ATF5: variants seen among roughly 807,000 people sequenced by gnomAD.
ATF5 encodes the protein activating transcription factor 5, also known as cyclic AMP-dependent transcription factor ATF-5.
Under a neutral mutation model 4.6 loss-of-function variants are expected in ATF5, and 6 were observed. That is an observed-to-expected ratio of 1.31 (90% confidence interval 0.72 to 2.59). ATF5 has a LOEUF of 2.59. Among genes scored for constraint, ATF5 ranks in the 30% most tolerant of loss-of-function variants. The pLI is 0.00. For missense variants in ATF5, 410 were observed against 368.7 expected, an observed-to-expected ratio of 1.11 and a Z score of -0.92; for synonymous variants, 193 against 165.0, an observed-to-expected ratio of 1.17 and a Z score of -1.30.
At position 49,933,339 on chromosome 19, in the gene ATF5, A is replaced by G; in HGVS notation, c.*247A>G. 1 of 429,258 alleles carries G rather than the reference A, an allele frequency of 2.3e-6. No individual in the cohort carries two copies. Among genetic ancestry groups the G allele is most frequent in the Non-Finnish European group, 4.1e-6 (1 of 242,746 alleles). The allele number at this position is 429,258 out of a possible 1,614,324, so 26.6% of individuals were successfully genotyped here. A position where few individuals can be genotyped will look rare whatever the true frequency, so the allele number is the denominator to read the frequency against. On this transcript the variant is annotated 3_prime_UTR_variant, in exon 3 of 3. Transcript: ENST00000423777. ...ACCCTTCTTCCCCACCAAACCACCC[A>G]ACTCCTCTCTACTCTTATCCTTTTA...
intron 1 of ATF5, 139 bp from the exon 2 acceptor site, chr19:49,930,593 C>T (rs1429497855): frequency 1.0e-5 from 4 of 391,686 alleles, no homozygotes; most frequent in African/African-American, 2.1e-5. Context: ...GAGGCTGAGG[C>T]TTAGTGTTCT....
chr19:49,932,812 C>G lies in ATF5; in HGVS notation c.569C>G (p.Ser190Cys), dbSNP rs771183572. 10 of 1,609,612 alleles carry G rather than the reference C, an allele frequency of 6.2e-6. No homozygotes were observed. The South Asian group carries it at 1.1e-4, about 18-fold the overall frequency. ...LPPPQQPPPPSPPQPSRLAPY... is the reference protein window; with the variant it reads ...LPPPQQPPPPCPPQPSRLAPY... ...CCGCCACAGCAGCCCCCTCCTCCTT[C>G]TCCACCTCAACCTTCTCGCCTGGCC... Residue 190 changes from serine (S) to cysteine (C), a missense_variant, in exon 3 of 3, where the codon TCT becomes TGT. Coordinates refer to ENST00000423777, the MANE Select transcript of ATF5 (RefSeq NM_001193646.2).
chr19:49,932,477 T>G lies in ATF5; in HGVS notation c.234T>G (p.Pro78=). The part of the protein sequence containing the change: ...TERVDFTALL[P]LEPPLPPGTL... ...GAGTTGATTTCACAGCTCTCCTCCC[T>G]CTGGAGCCTCCCTTACCCCCCGGCA... The change falls in exon 3 of 3, where the codon CCT becomes CCG. Residue 78 remains proline (P), a synonymous_variant. Transcript: ENST00000423777. 1 of 1,613,350 alleles carries G rather than the reference T, an allele frequency of 6.2e-7. No homozygotes were observed. Among genetic ancestry groups the G allele is most frequent in the Non-Finnish European group, 8.5e-7 (1 of 1,179,646 alleles).
At chr19:49,932,150 C>A (rs1265027274) in intron 2 of ATF5, among the ~76,000 whole-genome samples, 2 of 151,314 alleles carry the variant, frequency 1.3e-5, no homozygotes, top group African/African-American at 2.4e-5. Context: ...TTGACCGATT[C>A]CCTGATTGAT....
Position 49,932,928 on chromosome 19 carries a change from A to C in ATF5, c.685A>C (p.Lys229Gln). 6.2e-7 allele frequency: 1 copy of C among 1,613,934 alleles called. No homozygotes were observed. ...GGCGGCTCTGAGGTACCGCCAGCGGAAGCGGGCAGAGGGTGAGGCCCTGGA... is the reference window on the plus strand; with the variant it reads ...GGCGGCTCTGAGGTACCGCCAGCGGCAGCGGGCAGAGGGTGAGGCCCTGGA... Reference protein sequence around the residue: ...KSAALRYRQRKRAEGEALEGE... With the variant: ...KSAALRYRQRQRAEGEALEGE... The change falls in exon 3 of 3, where the codon AAG becomes CAG. Residue 229 changes from lysine to glutamine, a missense_variant. Lys to Gln is a moderately conservative substitution (Grantham distance 53). Transcript: ENST00000423777.
In ATF5 at chr19:49,932,857, C is replaced by G. The variant is rs1374178162; in HGVS notation, c.614C>G (p.Thr205Ser). The G allele has an allele frequency of 6.2e-7, 1 of 1,612,780 alleles. No individual in the cohort carries two copies. Among genetic ancestry groups the G allele is most frequent in the East Asian group, 2.2e-5 (1 of 44,822 alleles). The stretch of plus-strand genomic sequence containing the variant: ...CTGGCCCCCTACCCACATCCTGCCA[C>G]CACCCGAGGGGACCGCAAGCAAAAG... ...SRLAPYPHPA[T>S]TRGDRKQKKR... The change falls in exon 3 of 3, where the codon ACC (threonine) becomes AGC (serine). Residue 205 changes from threonine (T) to serine (S), a missense_variant. Physicochemically the swap from Thr to Ser is moderately conservative, Grantham distance 58. Transcript: ENST00000423777.
chr19:49,930,692 C>T lies in ATF5; in HGVS notation c.-119-40C>T, dbSNP rs1235287429. 9.4e-6 allele frequency: 5 copies of T among 529,966 alleles called. No individual in the cohort carries two copies. In the East Asian group the frequency reaches 1.3e-4, roughly 14 times the overall value. The allele number at this position is 529,966 out of a possible 1,614,324, so 32.8% of individuals were successfully genotyped here. ...CCCCTTGATTTTGGCCGGTGGATGA[C>T]GCTGTCCTGACCACACCCACTCTTG... On this transcript the variant is annotated intron_variant, in intron 1 of 2. Coordinates refer to ENST00000423777, the MANE Select transcript of ATF5 (RefSeq NM_001193646.2).
chr19:49,933,042 C>A lies in ATF5; in HGVS notation c.799C>A (p.Leu267Met). ...GCGCGAGATCCAGTACGTCAAGGACCTGCTCATCGAGGTTTACAAGGCCCG... is the reference window on the plus strand; with the variant it reads ...GCGCGAGATCCAGTACGTCAAGGACATGCTCATCGAGGTTTACAAGGCCCG... Reference protein sequence around the residue: ...VEREIQYVKDLLIEVYKARSQ... With the variant: ...VEREIQYVKDMLIEVYKARSQ... The change falls in exon 3 of 3, where the codon CTG (leucine) becomes ATG (methionine). Residue 267 changes from leucine to methionine, a missense_variant. Physicochemically the swap from Leu to Met is conservative, Grantham distance 15 (BLOSUM62 2). Transcript: ENST00000423777. 3 of 1,609,016 alleles carry A rather than the reference C, an allele frequency of 1.9e-6. No homozygotes were observed. Among genetic ancestry groups the A allele is most frequent in the Non-Finnish European group, 2.6e-6 (3 of 1,175,914 alleles).
In ATF5 at chr19:49,932,670, CT is replaced by C. The variant is rs1295317394; in HGVS notation, c.428del (p.Leu143ArgfsTer81). 2.6e-5 allele frequency: 40 copies of C among 1,541,530 alleles called. No individual in the cohort carries two copies. Among genetic ancestry groups the C allele is most frequent in the East Asian group, 7.0e-5 (3 of 42,582 alleles). ...PPLPPAPSLP[L>X]SLPSFDLPQP... ...ACTACCACCAGCCCCCTCCCTCCCC[CT>C]GTCCCTCCCCTCCTTTGACCTCCCC... On this transcript the variant is annotated frameshift_variant, in exon 3 of 3. Coordinates refer to ENST00000423777, the MANE Select transcript of ATF5 (RefSeq NM_001193646.2). LOFTEE classifies it low-confidence loss of function (END_TRUNC).
At position 49,932,502 on chromosome 19, in the gene ATF5, A is replaced by ACCCCCCCCCCC; in HGVS notation, c.262_263insCCCCCCCCCCC (p.Leu88ProfsTer34). 1.3e-6 allele frequency: 1 copy of ACCCCCCCCCCC among 767,138 alleles called. No individual in the cohort carries two copies. Among genetic ancestry groups the ACCCCCCCCCCC allele is most frequent in the South Asian group, 1.6e-5 (1 of 63,548 alleles). The allele number at this position is 767,138 out of a possible 1,614,324, so 47.5% of individuals were successfully genotyped here. On this transcript the variant is annotated frameshift_variant, in exon 3 of 3. Transcript: ENST00000423777. LOFTEE classifies it low-confidence loss of function (END_TRUNC). ...TCTGGAGCCTCCCTTACCCCCCGGC[A>ACCCCCCCCCCC]CCCTCCCCCAACCTTCCCCAACCCC...
rs2076081002 is a variant in ATF5, at chr19:49,932,868, G to T, written c.625G>T (p.Asp209Tyr). The change falls in exon 3 of 3, where the codon GAC (aspartate) becomes TAC (tyrosine). Residue 209 changes from aspartate to tyrosine, a missense_variant. Transcript: ENST00000423777. ...PYPHPATTRG[D>Y]RKQKKRDQNK... Reference sequence around the variant, plus strand: ...CCCACATCCTGCCACCACCCGAGGGGACCGCAAGCAAAAGAAGAGAGACCA... The same window carrying T: ...CCCACATCCTGCCACCACCCGAGGGTACCGCAAGCAAAAGAAGAGAGACCA... 1 of 1,612,966 alleles carries T rather than the reference G, an allele frequency of 6.2e-7. No homozygotes were observed. Among genetic ancestry groups the T allele is most frequent in the Admixed American group, 1.7e-5 (1 of 59,814 alleles).
chr19:49,932,291 A>C (rs1401789079), intron 2 of ATF5, 131 bp from the exon 3 acceptor site: 2 of 849,098 alleles, frequency 2.4e-6, no homozygotes, highest in Non-Finnish European at 4.0e-6. Flanking sequence ...GACTGGTTTG[A>C]TGATTCAGTG....
chr19:49,933,225 CCAAGGCA>C lies in ATF5; in HGVS notation c.*134_*140del. ...CTTGTAATCCCAGCACTTTGGGAGG[CCAAGGCA>C]GGAGGATCGTTTGAGGCCAGGAGGT... is the stretch of plus-strand genomic sequence containing the variant. On this transcript the variant is annotated 3_prime_UTR_variant, in exon 3 of 3. Coordinates refer to ENST00000423777, the MANE Select transcript of ATF5 (RefSeq NM_001193646.2). The C allele has an allele frequency of 1.0e-6, 1 of 989,514 alleles. No individual in the cohort carries two copies. The highest frequency in any genetic ancestry group is 3.0e-5 in the Admixed American group (1 of 33,372). The allele number at this position is 989,514 out of a possible 1,614,324, so 61.3% of individuals were successfully genotyped here.
At position 49,930,976 on chromosome 19, in the gene ATF5, C is replaced by A. The variant is rs1445069135; in HGVS notation, c.126C>A (p.Val42=). The A allele has an allele frequency of 3.2e-6, 5 of 1,584,604 alleles. No individual in the cohort carries two copies. The highest frequency in any genetic ancestry group is 4.3e-6 in the Non-Finnish European group (5 of 1,166,186). The change falls in exon 2 of 3, where the codon GTC becomes GTA. Residue 42 remains valine, a synonymous_variant. Coordinates refer to ENST00000423777, the MANE Select transcript of ATF5 (RefSeq NM_001193646.2). ...PAPAPLAPYE[V]LGGALEGGLP... ...CTGCCCCCCTGGCTCCCTATGAGGTCCTTGGGGGAGCCCTGGAGGGCGGGC... is the reference window on the plus strand; with the variant it reads ...CTGCCCCCCTGGCTCCCTATGAGGTACTTGGGGGAGCCCTGGAGGGCGGGC...
chr19:49,930,154 C>T lies in ATF5; in HGVS notation c.-119-578C>T, dbSNP rs1246208144. 6.0e-5 allele frequency: 9 copies of T among 150,494 alleles called. No individual in the cohort carries two copies. The East Asian group carries it at 1.6e-3, about 26-fold the overall frequency. 9.3% of individuals were successfully genotyped at this position (150,494 alleles called of 1,614,324 possible). A position where few individuals can be genotyped will look rare whatever the true frequency, so the allele number is the denominator to read the frequency against. On this transcript the variant is annotated intron_variant, in intron 1 of 2. Transcript: ENST00000423777. ...TTTCGATGTGACAAAGAGGCGGGGC[C>T]TCTGGGGAATCGGGGGAGGGGCGGA...
At position 49,932,615 on chromosome 19, in the gene ATF5, A is replaced by ACCC; in HGVS notation, c.373_375dup (p.Pro125dup). On this transcript the variant is annotated inframe_insertion, in exon 3 of 3. Coordinates refer to ENST00000423777, the MANE Select transcript of ATF5 (RefSeq NM_001193646.2). ...TCCTAGATGCCCCGCCCCTCCCACC[A>ACCC]CCCTCCCCGCCGCCACTACCACCAC... 1.0e-6 allele frequency: 1 copy of ACCC among 989,956 alleles called. No homozygotes were observed. The allele number at this position is 989,956 out of a possible 1,614,324, so 61.3% of individuals were successfully genotyped here.
chr19:49,932,879 AAAG>A lies in ATF5; in HGVS notation c.641_643del (p.Lys214del). ...CCACCACCCGAGGGGACCGCAAGCAAAAGAAGAGAGACCAGAACAAGTCGGCGG... is the reference window on the plus strand; with the variant it reads ...CCACCACCCGAGGGGACCGCAAGCAAAAGAGAGACCAGAACAAGTCGGCGG... On this transcript the variant is annotated inframe_deletion, in exon 3 of 3. Transcript: ENST00000423777. 6.2e-7 allele frequency: 1 copy of A among 1,613,344 alleles called. No homozygotes were observed. Among genetic ancestry groups the A allele is most frequent in the Non-Finnish European group, 8.5e-7 (1 of 1,179,750 alleles).
rs2076084122 is a variant in ATF5, at chr19:49,933,077, G to A, written c.834G>A (p.Arg278=). The change falls in exon 3 of 3, where the codon AGG becomes AGA. Residue 278 remains arginine, a synonymous_variant. Transcript: ENST00000423777. ...AGGTTTACAAGGCCCGGAGCCAGAG[G>A]ACCCGTAGCTGCTAGAAGGGCAGGG... The part of the protein sequence containing the change: ...LIEVYKARSQ[R]TRSC 4 of 1,592,746 alleles carry A rather than the reference G, an allele frequency of 2.5e-6. No individual in the cohort carries two copies. Among genetic ancestry groups the A allele is most frequent in the Non-Finnish European group, 3.4e-6 (4 of 1,164,976 alleles).
rs1568733014 is a variant in ATF5, at chr19:49,930,960, TG to T, written c.112del (p.Ala38LeufsTer30). On this transcript the variant is annotated frameshift_variant, in exon 2 of 3. Transcript: ENST00000423777. LOFTEE classifies it high-confidence loss of function. ...AAACTCCCCCCGGCCCCTGCCCCCC[TG>T]GCTCCCTATGAGGTCCTTGGGGGAG... is the stretch of plus-strand genomic sequence containing the variant. ...YGKLPPAPAP[L>X]APYEVLGGAL... The T allele has an allele frequency of 6.3e-7, 1 of 1,592,008 alleles. No individual in the cohort carries two copies. The highest frequency in any genetic ancestry group is 1.8e-5 in the Admixed American group (1 of 55,630).
Sources: gnomAD v4.1 joint callset for allele counts (sites outside exome capture counted in the v4.1 genomes callset) on GRCh38, gnomAD v4.1.1 for gene constraint, MANE v1.5 for transcripts, NCBI Gene and HGNC (gene_info 2026-07-23, HGNC 2026-07-21) for gene names.